Variants in ILDR2 observed in about 807,000 individuals in gnomAD.
The protein encoded by ILDR2 is immunoglobulin like domain containing receptor 2, also known as immunoglobulin-like domain-containing receptor 2.
Under a neutral mutation model 66.8 loss-of-function variants are expected in ILDR2, and 25 were observed. The observed-to-expected ratio is 0.37, with a 90% CI of 0.27 to 0.52. The LOEUF is 0.52. ILDR2 is among the 20% of genes least tolerant of loss of function. The pLI is 0.88. For synonymous variants in ILDR2, 367 were observed against 357.2 expected, an observed-to-expected ratio of 1.03 and a Z score of -0.31; for missense variants, 827 against 876.8, an observed-to-expected ratio of 0.94 and a Z score of 0.72.
chr1:166,920,878 G>A lies in ILDR2; in HGVS notation c.1713C>T (p.Pro571=), dbSNP rs779667876. ...RSASYYAWSP[P]GTYKAGSSQD... ...GCGACGAGCCGGCCTTGTAGGTGCCGGGCGGCGACCAAGCGTAGTAGGAGG... is the reference window on the plus strand; with the variant it reads ...GCGACGAGCCGGCCTTGTAGGTGCCAGGCGGCGACCAAGCGTAGTAGGAGG... Residue 571 remains proline, a synonymous_variant, in exon 9 of 10, where the codon CCC becomes CCT. Transcript: ENST00000271417. 8.7e-6 allele frequency: 13 copies of A among 1,494,630 alleles called. No individual in the cohort carries two copies. The Admixed American group carries it at 8.7e-5, about 10-fold the overall frequency. 92.6% of individuals were successfully genotyped at this position (1,494,630 alleles called of 1,614,324 possible).
intron 3 of ILDR2, among the ~76,000 whole-genome samples, chr1:166,940,711 A>ATTGTCATTTC (rs1661262259): frequency 2.0e-5 from 3 of 152,244 alleles, no homozygotes; most frequent in African/African-American, 7.2e-5. Context: ...ACTATCACTA[A>ATTGTCATTTC]AATATTGTCA....
rs1659607857 is a variant in ILDR2, at chr1:166,915,480, A to G, written c.*3875T>C. ...GACCCACCCAATCAATCTCCAAAAC[A>G]GGGTCCAACAATACCTTTTTAACAG... On this transcript the variant is annotated 3_prime_UTR_variant, in exon 10 of 10. Coordinates refer to ENST00000271417, the MANE Select transcript of ILDR2 (RefSeq NM_199351.3). The G allele has an allele frequency of 6.6e-6, 1 of 152,206 alleles. No individual in the cohort carries two copies. The highest frequency in any genetic ancestry group is 1.5e-5 in the Non-Finnish European group (1 of 68,036). 9.4% of individuals were successfully genotyped at this position (152,206 alleles called of 1,614,324 possible). A position where few individuals can be genotyped will look rare whatever the true frequency, so the allele number is the denominator to read the frequency against.
intron 2 of ILDR2, among the ~76,000 whole-genome samples, chr1:166,901,130 T>C (rs1251244777): frequency 6.6e-6 from 1 of 152,158 alleles, no homozygotes; most frequent in Non-Finnish European, 1.5e-5. Flanking sequence ...CCTGGAAGTA[T>C]AGTCTGTGGC....
Position 166,898,479 on chromosome 1 carries a change from T to C in ILDR2, n.172-2378A>G, listed in dbSNP as rs1659207255. ...TAGCTCCCAGAACTCTTCCAGCCTG[T>C]GTCCAGCCAAAGGTCCAGAATGGCT... On this transcript the variant is annotated intron_variant and non_coding_transcript_variant, in intron 2 of 2. Coordinates refer to the ILDR2 transcript ENST00000414590. Among the ~76,000 whole-genome samples, 4 of 152,172 alleles carry C rather than the reference T, an allele frequency of 2.6e-5. No individual in the cohort carries two copies. In the South Asian group the frequency reaches 8.3e-4, roughly 31 times the overall value.
rs1663541463 is a variant in ILDR2, at chr1:166,975,491, TCGGCGG to T, written c.-229_-224del. Reference sequence around the variant, plus strand: ...CGGGCTTCCGGGGTCCGCGCAGCGCTCGGCGGCGCATCCGCATGCCCAGGCAGCGCG... The same window carrying T: ...CGGGCTTCCGGGGTCCGCGCAGCGCTCGCATCCGCATGCCCAGGCAGCGCG... On this transcript the variant is annotated 5_prime_UTR_variant, in exon 1 of 10. Transcript: ENST00000271417. 6.9e-6 allele frequency: 1 copy of T among 145,414 alleles called. No homozygotes were observed. The highest frequency in any genetic ancestry group is 2.5e-5 in the African/African-American group (1 of 40,484). The allele number at this position is 145,414 out of a possible 1,614,324, so 9.0% of individuals were successfully genotyped here.
intron 3 of ILDR2, among the ~76,000 whole-genome samples, chr1:166,954,020 T>C (rs1473514292): frequency 6.6e-6 from 1 of 152,228 alleles, no homozygotes; most frequent in Non-Finnish European, 1.5e-5. Flanking sequence ...AGAGTATGTT[T>C]CCATTCTCTC....
intron 1 of ILDR2, among the ~76,000 whole-genome samples, chr1:166,965,569 T>TA (rs1662891899): frequency 1.0e-5 from 1 of 95,980 alleles, no homozygotes; most frequent in Non-Finnish European, 2.3e-5. Context: ...AGTTAGGTTT[T>TA]GTTTTTTTTT....
chr1:166,919,311 A>G lies in ILDR2; in HGVS notation c.*44T>C, dbSNP rs1384062160. On this transcript the variant is annotated 3_prime_UTR_variant, in exon 10 of 10. Transcript: ENST00000271417. ...TCTTAGATTTGTGTCTTGTCCCCGT[A>G]GTCCATGTCTGATTTCTCATTATCC... The G allele has an allele frequency of 1.9e-6, 3 of 1,571,024 alleles. No individual in the cohort carries two copies. The highest frequency in any genetic ancestry group is 2.6e-6 in the Non-Finnish European group (3 of 1,143,020).
chr1:166,928,555 G>C (rs1660442118), intron 6 of ILDR2, among the ~76,000 whole-genome samples: 1 of 152,204 alleles, frequency 6.6e-6, no homozygotes, highest in South Asian at 2.1e-4. Context: ...TGTTCCCAAA[G>C]TGGGGCAAAC....
intron 7 of ILDR2, among the ~76,000 whole-genome samples, chr1:166,923,146 A>C (rs923510501): frequency 2.0e-5 from 3 of 152,214 alleles, no homozygotes; most frequent in Non-Finnish European, 4.4e-5. Flanking sequence ...ATCCTTGTTC[A>C]AATGTTTTCT....
chr1:166,906,315 G>T (rs566059269), downstream of ILDR2, among the ~76,000 whole-genome samples: 140 of 152,322 alleles, frequency 9.2e-4, no homozygotes, highest in African/African-American at 3.2e-3. Flanking sequence ...CATTGAACAT[G>T]GTGACAGGGC....
At position 166,927,076 on chromosome 1, in the gene ILDR2, T is replaced by G; in HGVS notation, c.985A>C (p.Arg329=). ...LAQFDPARRM[R]GRYNNTISEL... is the part of the protein sequence containing the mutation. ...ACTAACAGATGCTCACATCTGCCTC[T>G]CATCCTTCTGGCTGGATCAAACTGA... Residue 329 remains arginine (R), a synonymous_variant, in exon 7 of 10, where the codon AGA becomes CGA. Transcript: ENST00000271417. 1 of 1,606,020 alleles carries G rather than the reference T, an allele frequency of 6.2e-7. No individual in the cohort carries two copies. Among genetic ancestry groups the G allele is most frequent in the Non-Finnish European group, 8.5e-7 (1 of 1,174,078 alleles).
At chr1:166,966,399 C>T (rs1444261943) in intron 1 of ILDR2, among the ~76,000 whole-genome samples, 2 of 152,278 alleles carry the variant, frequency 1.3e-5, no homozygotes, top group Non-Finnish European at 1.5e-5. Flanking sequence ...ATAGTGTTTT[C>T]GTATGTTTTC....
chr1:166,956,994 G>T, intron 2 of ILDR2, 142 bp from the exon 3 acceptor site: 1 of 804,216 alleles, frequency 1.2e-6, no homozygotes. Flanking sequence ...GTTGAAAGAT[G>T]TGTGCTTTGC....
intron 1 of ILDR2, among the ~76,000 whole-genome samples, chr1:166,968,187 C>T (rs911025879): frequency 6.6e-6 from 1 of 152,218 alleles, no homozygotes; most frequent in African/African-American, 2.4e-5. Context: ...ATTCTTCCTA[C>T]AGTACTAAAT....
intron 3 of ILDR2, among the ~76,000 whole-genome samples, chr1:166,945,410 G>C (rs1308072352): frequency 6.6e-6 from 1 of 152,086 alleles, no homozygotes; most frequent in Non-Finnish European, 1.5e-5. Context: ...AAATGATCAG[G>C]GTAGAAATAT....
chr1:166,942,751 A>G (rs145125564), intron 3 of ILDR2, among the ~76,000 whole-genome samples: 201 of 152,382 alleles, frequency 1.3e-3, no homozygotes, highest in Middle Eastern at 3.4e-3. Flanking sequence ...CTAGTCACCT[A>G]TGTTCAAATT....
At chr1:166,972,231 G>T (rs981583279) in intron 1 of ILDR2, among the ~76,000 whole-genome samples, 1 of 151,410 alleles carries the variant, frequency 6.6e-6, no homozygotes, top group Non-Finnish European at 1.5e-5. Context: ...AAAAAGAAAA[G>T]AAAAAGAAAT....
chr1:166,905,743 A>AT, downstream of ILDR2, among the ~76,000 whole-genome samples: 1 of 152,338 alleles, frequency 6.6e-6, no homozygotes, highest in African/African-American at 2.4e-5. Flanking sequence ...CAGCCACAGC[A>AT]TCATTTAGAA....
Sources: allele counts gnomAD v4.1 joint callset (sites outside exome capture counted in the v4.1 genomes callset), GRCh38; gene constraint gnomAD v4.1.1; transcripts MANE v1.5; gene names NCBI Gene and HGNC (gene_info 2026-07-23, HGNC 2026-07-21).